MEOX2: variants seen among roughly 807,000 people sequenced by gnomAD.
MEOX2 encodes homeobox protein MOX-2.
A neutral mutation model predicts 27.0 loss-of-function variants in MEOX2; 11 were observed. The ratio of observed to expected loss-of-function variants is 0.41; its 90% confidence interval spans 0.26 to 0.68. The LOEUF (loss-of-function observed/expected upper bound fraction) is 0.68, where lower values mean the gene tolerates loss of function less well. MEOX2 is among the 30% of genes least tolerant of loss of function. The pLI, the probability that MEOX2 is intolerant of heterozygous loss-of-function variation, is 0.33. For synonymous variants in MEOX2, 189 were observed against 155.4 expected (o/e 1.22, Z -1.61); for missense variants, 436 against 385.4 (o/e 1.13, Z -1.10).
chr7:15,655,128 G>C (rs1781798093), intron 1 of MEOX2, among the ~76,000 whole-genome samples: 1 of 151,478 alleles, frequency 6.6e-6, no homozygotes, highest in South Asian at 2.1e-4. Flanking sequence ...TTTTTAAAAA[G>C]TGGGTCCATT....
intron 2 of MEOX2, among the ~76,000 whole-genome samples, chr7:15,622,984 C>T (rs1002751811): frequency 1.3e-5 from 2 of 152,122 alleles, no homozygotes; most frequent in African/African-American, 2.4e-5. Context: ...CACCAGACAC[C>T]GAATCTGCTG....
At chr7:15,637,562 C>T (rs2115368155) in intron 1 of MEOX2, among the ~76,000 whole-genome samples, 1 of 151,860 alleles carries the variant, frequency 6.6e-6, no homozygotes, top group African/African-American at 2.4e-5. Flanking sequence ...ACACATAAAA[C>T]ATACCATCTG....
intron 1 of MEOX2, among the ~76,000 whole-genome samples, chr7:15,669,608 G>A (rs1782064967): frequency 6.6e-6 from 1 of 152,174 alleles, no homozygotes; most frequent in Non-Finnish European, 1.5e-5. Context: ...CTGCAGTCGT[G>A]GCAGCTGAAT....
chr7:15,612,666 AT>A, intron 2 of MEOX2, 55 bp from the exon 3 acceptor site: 1 of 1,500,788 alleles, frequency 6.7e-7, no homozygotes, highest in Non-Finnish European at 9.3e-7. Context: ...TTAAAGTGAC[AT>A]TTTTTTCTCC....
At chr7:15,616,959 T>TACATTACATGGTAA (rs2115353759) in intron 2 of MEOX2, among the ~76,000 whole-genome samples, 1 of 152,162 alleles carries the variant, frequency 6.6e-6, no homozygotes, top group East Asian at 1.9e-4. Flanking sequence ...TTACACCCTT[T>TACATTACATGGTAA]ACCATGTAAG....
intron 2 of MEOX2, 49 bp from the exon 3 acceptor site, chr7:15,612,660 A>G: frequency 6.4e-7 from 1 of 1,551,946 alleles, no homozygotes; most frequent in East Asian, 2.2e-5. Context: ...AGATAATTAA[A>G]GTGACATTTT....
intron 1 of MEOX2, among the ~76,000 whole-genome samples, chr7:15,648,471 CTT>C (rs1289751821): frequency 1.3e-5 from 2 of 152,040 alleles, no homozygotes; most frequent in Non-Finnish European, 2.9e-5. Flanking sequence ...AGATGGCTCT[CTT>C]TTGGAAACTG....
rs143972509 is a variant in MEOX2, at chr7:15,669,879, T to C, written c.517+16007A>G. Among the ~76,000 whole-genome samples, 169 of 152,330 alleles carry C rather than the reference T, an allele frequency of 1.1e-3. 3 individuals carry two copies. In the East Asian group the frequency reaches 0.027, roughly 24 times the overall value. On this transcript the variant is annotated intron_variant, in intron 1 of 2. Transcript: ENST00000262041. ...TTAAAGGTTAATGATTCTAGGTCATTAGTTGCCACTGCCTGATTCGATTAA... is the reference window on the plus strand; with the variant it reads ...TTAAAGGTTAATGATTCTAGGTCATCAGTTGCCACTGCCTGATTCGATTAA...
At chr7:15,656,543 AT>A (rs1388049985) in intron 1 of MEOX2, among the ~76,000 whole-genome samples, 1 of 151,778 alleles carries the variant, frequency 6.6e-6, no homozygotes, top group African/African-American at 2.4e-5. Context: ...CTGGATATAA[AT>A]AATCACAGTC....
intron 1 of MEOX2, among the ~76,000 whole-genome samples, chr7:15,662,080 A>G (rs1424343714): frequency 2.1e-5 from 2 of 93,560 alleles, no homozygotes; most frequent in Non-Finnish European, 3.9e-5. Context: ...CCCACCCCCC[A>G]CCCTACCAAT....
At chr7:15,657,618 G>C (rs1180474866) in intron 1 of MEOX2, among the ~76,000 whole-genome samples, 1 of 152,028 alleles carries the variant, frequency 6.6e-6, no homozygotes, top group Non-Finnish European at 1.5e-5. Context: ...TTCCAAGCAT[G>C]TTTGTACTTA....
intron 1 of MEOX2, among the ~76,000 whole-genome samples, chr7:15,661,012 CAAAAAAAAAAAAAA>C (rs71004402): frequency 6.8e-5 from 3 of 44,340 alleles, no homozygotes; most frequent in Non-Finnish European, 1.2e-4. Flanking sequence ...GACTCAGTCT[CAAAAAAAAAAAAAA>C]AAAAAAAAAA....
intron 1 of MEOX2, among the ~76,000 whole-genome samples, chr7:15,656,954 T>G (rs1781830853): frequency 6.6e-6 from 1 of 152,126 alleles, no homozygotes; most frequent in African/African-American, 2.4e-5. Flanking sequence ...GAATATTTTT[T>G]CTGAGTACCA....
In MEOX2 at chr7:15,611,439, T is replaced by G. The variant is rs1781028593; in HGVS notation, c.*948A>C. 4 of 152,652 alleles carry G rather than the reference T, an allele frequency of 2.6e-5. No homozygotes were observed. Among genetic ancestry groups the G allele is most frequent in the African/African-American group, 9.6e-5 (4 of 41,464 alleles). The allele number at this position is 152,652 out of a possible 1,614,324, so 9.5% of individuals were successfully genotyped here. A position where few individuals can be genotyped will look rare whatever the true frequency, so the allele number is the denominator to read the frequency against. ...TGTTTTCTTGTTAATTAAATCATAT[T>G]CATACAGCTAATATTTTACAGAAAT... is the stretch of plus-strand genomic sequence containing the variant. On this transcript the variant is annotated 3_prime_UTR_variant, in exon 3 of 3. Transcript: ENST00000262041.
chr7:15,661,673 T>C (rs953877605), intron 1 of MEOX2, among the ~76,000 whole-genome samples: 3 of 152,196 alleles, frequency 2.0e-5, no homozygotes, highest in African/African-American at 7.2e-5. Context: ...CAAAGTTCCC[T>C]GTGTAAGACA....
At chr7:15,638,357 T>A (rs753318243) in intron 1 of MEOX2, among the ~76,000 whole-genome samples, 3 of 152,198 alleles carry the variant, frequency 2.0e-5, no homozygotes, top group Non-Finnish European at 4.4e-5. Flanking sequence ...CTTTTATTTA[T>A]GTACGTTTGT....
chr7:15,624,543 T>A, intron 2 of MEOX2, among the ~76,000 whole-genome samples: 1 of 152,112 alleles, frequency 6.6e-6, no homozygotes, highest in East Asian at 1.9e-4. Flanking sequence ...TCCCCCTCAG[T>A]GCTCCTGGGA....
chr7:15,622,840 T>C (rs74679860), intron 2 of MEOX2, among the ~76,000 whole-genome samples: 8,677 of 152,184 alleles, frequency 0.057, 799 homozygotes, highest in African/African-American at 0.2. Flanking sequence ...GGAATGAGAT[T>C]AGGTCGTAAG....
intron 1 of MEOX2, among the ~76,000 whole-genome samples, chr7:15,639,280 T>C (rs1375531952): frequency 6.6e-6 from 1 of 152,182 alleles, no homozygotes; most frequent in African/African-American, 2.4e-5. Context: ...TGTCTTCTTT[T>C]GAGAAGTATG....
Sources: gnomAD v4.1 joint callset for allele counts (sites outside exome capture counted in the v4.1 genomes callset) on GRCh38, gnomAD v4.1.1 for gene constraint, MANE v1.5 for transcripts, NCBI Gene and HGNC (gene_info 2026-07-23, HGNC 2026-07-21) for gene names.